Variants in LRRFIP2 observed in about 807,000 individuals in gnomAD.
LRRFIP2 encodes the protein leucine-rich repeat flightless-interacting protein 2.
A neutral mutation model predicts 125.9 loss-of-function variants in LRRFIP2; 109 were observed. That is an observed-to-expected ratio of 0.87 (90% confidence interval 0.74 to 1.01). The LOEUF is 1.01. LRRFIP2 is among the 50% of genes least tolerant of loss of function. The probability of loss-of-function intolerance (pLI) is 0.00; values close to 1 mark genes in which losing one functional copy is unlikely to be tolerated. For missense variants in LRRFIP2, 850 were observed against 862.3 expected (o/e 0.99, Z 0.18); for synonymous variants, 291 against 293.1 (o/e 0.99, Z 0.07).
chr3:37,139,953 A>G (rs866958889), intron 2 of LRRFIP2, among the ~76,000 whole-genome samples: 4 of 152,306 alleles, frequency 2.6e-5, no homozygotes, highest in Middle Eastern at 6.8e-3. Context: ...GTTCATCACA[A>G]AAGTCACTAA....
chr3:37,096,789 T>C lies in LRRFIP2; in HGVS notation c.874-129A>G, dbSNP rs935246803. ...AGCCTAAAAATAAACATATTAAAAA[T>C]GAAATTAAAATTCCAGTTTAACATA... On this transcript the variant is annotated intron_variant, in intron 15 of 27. Transcript: ENST00000336686. 1.8e-4 allele frequency: 98 copies of C among 552,756 alleles called. No homozygotes were observed. The Middle Eastern group carries it at 2.4e-3, about 14-fold the overall frequency. The allele number at this position is 552,756 out of a possible 1,614,324, so 34.2% of individuals were successfully genotyped here.
In LRRFIP2 at chr3:37,058,801, A is replaced by G. The variant is rs1256583583; in HGVS notation, c.1859T>C (p.Ile620Thr). 1 of 1,614,052 alleles carries G rather than the reference A, an allele frequency of 6.2e-7. No homozygotes were observed. The highest frequency in any genetic ancestry group is 1.7e-5 in the Admixed American group (1 of 60,016). Residue 620 changes from isoleucine (I) to threonine (T), a missense_variant, in exon 25 of 28, where the codon ATC (isoleucine) becomes ACC (threonine). Physicochemically the swap from Ile to Thr is moderately conservative, Grantham distance 89 (BLOSUM62 -1). Transcript: ENST00000336686. ...CCCCTGGTACCTACTCTGCATTTCG[A>G]TGAACTGCAAGTCTGAGCCATTCTG... The part of the protein sequence containing the change: ...GLQNGSDLQF[I>T]EMQRDANRQI...
chr3:37,112,484 C>T (rs766415914), intron 8 of LRRFIP2, among the ~76,000 whole-genome samples: 4 of 152,030 alleles, frequency 2.6e-5, no homozygotes, highest in African/African-American at 4.8e-5. Flanking sequence ...GGAAACTTTG[C>T]CATTACATAT....
At chr3:37,110,669 A>G (rs542533713) in intron 9 of LRRFIP2, among the ~76,000 whole-genome samples, 1 of 152,310 alleles carries the variant, frequency 6.6e-6, no homozygotes, top group East Asian at 1.9e-4. Context: ...ATAGATAATT[A>G]TGTGATAAAG....
In LRRFIP2 at chr3:37,111,029, G is replaced by A; in HGVS notation, c.475C>T (p.Leu159Phe). The A allele has an allele frequency of 6.2e-7, 1 of 1,613,768 alleles. No homozygotes were observed. Among genetic ancestry groups the A allele is most frequent in the Non-Finnish European group, 8.5e-7 (1 of 1,179,840 alleles). ...LYFDQRNYSS[L>F]RHSKPTSAYY... ...GCAGAGGTGGGTTTGCTATGTCTAA[G>A]ACTGCTATAGTTTCTCTGGTCAAAG... The change falls in exon 9 of 28, where the codon CTT becomes TTT. Residue 159 changes from leucine (L) to phenylalanine (F), a missense_variant. Coordinates refer to ENST00000336686, the MANE Select transcript of LRRFIP2 (RefSeq NM_006309.4).
At chr3:37,065,313 G>A in intron 23 of LRRFIP2, 1 of 264,542 alleles carries the variant, frequency 3.8e-6, no homozygotes, top group Non-Finnish European at 7.7e-6. Flanking sequence ...AAGAGTCTGG[G>A]AAGCCCTGCT....
chr3:37,128,937 AATAC>A (rs773544645), intron 3 of LRRFIP2, 122 bp downstream of exon 3: 20 of 844,212 alleles, frequency 2.4e-5, no homozygotes, highest in Non-Finnish European at 3.6e-5. Context: ...GGCTTGATAA[AATAC>A]ATACATCAGT....
chr3:37,116,889 A>G (rs192039876), intron 6 of LRRFIP2, among the ~76,000 whole-genome samples: 263 of 152,272 alleles, frequency 1.7e-3, no homozygotes, highest in African/African-American at 6.0e-3. Flanking sequence ...TTGGAGCAAA[A>G]TATCTGTACC....
rs762574573 is a variant in LRRFIP2, at chr3:37,055,147, AT to A, written c.1888del (p.Ile630LeufsTer15). 6.3e-7 allele frequency: 1 copy of A among 1,593,638 alleles called. No individual in the cohort carries two copies. The highest frequency in any genetic ancestry group is 1.1e-5 in the South Asian group (1 of 88,204). On this transcript the variant is annotated frameshift_variant, in exon 26 of 28. Transcript: ENST00000336686. LOFTEE classifies it high-confidence loss of function. ...IEMQRDANRQ[I>X]SEYKFKLSKA... ...TGAAAGCTTAAATTTGTATTCGCTA[AT>A]TTGTCTATTGGCATCTCCTAGAACA...
intron 1 of LRRFIP2, among the ~76,000 whole-genome samples, chr3:37,166,150 T>A (rs1267104197): frequency 6.6e-6 from 1 of 151,624 alleles, no homozygotes; most frequent in Non-Finnish European, 1.5e-5. Context: ...GCCAACATGG[T>A]GAAAACCCGT....
intron 6 of LRRFIP2, among the ~76,000 whole-genome samples, chr3:37,117,680 A>G: frequency 6.6e-6 from 1 of 152,176 alleles, no homozygotes; most frequent in East Asian, 1.9e-4. Context: ...GAAAGTTTTC[A>G]TTAGGAAACA....
intron 19 of LRRFIP2, among the ~76,000 whole-genome samples, chr3:37,076,755 A>G (rs187679869): frequency 1.6e-4 from 24 of 151,612 alleles, no homozygotes; most frequent in African/African-American, 5.8e-4. Flanking sequence ...AATCCCAGCT[A>G]CTCGGGAGGC....
chr3:37,161,792 G>GA (rs540214528), intron 1 of LRRFIP2, among the ~76,000 whole-genome samples: 2,098 of 69,984 alleles, frequency 0.03, 49 homozygotes, highest in African/African-American at 0.08. Context: ...ACAGAAAACA[G>GA]AAAAAAAAAA....
Position 37,105,521 on chromosome 3 carries a change from A to C in LRRFIP2, c.717T>G (p.Phe239Leu). The change falls in exon 14 of 28, where the codon TTT (phenylalanine) becomes TTG (leucine). Residue 239 changes from phenylalanine (F) to leucine (L), a missense_variant and splice_region_variant. By Grantham distance (22) the Phe-to-Leu change is conservative. Transcript: ENST00000336686. ...RISSARSSPG[F>L]TNDDTASIVS... The stretch of plus-strand genomic sequence containing the variant: ...CAATGCTTGCAGTGTCATCGTTGGT[A>C]AACTATAGATATTAAATGCAGATAA... 1.2e-6 allele frequency: 2 copies of C among 1,612,586 alleles called. No individual in the cohort carries two copies. The highest frequency in any genetic ancestry group is 1.7e-6 in the Non-Finnish European group (2 of 1,178,642).
At chr3:37,137,203 C>A (rs1432040355) in intron 2 of LRRFIP2, among the ~76,000 whole-genome samples, 1 of 152,136 alleles carries the variant, frequency 6.6e-6, no homozygotes, top group Admixed American at 6.5e-5. Flanking sequence ...GTCTCGAACT[C>A]CTGGACTCAA....
intron 2 of LRRFIP2, among the ~76,000 whole-genome samples, chr3:37,129,944 G>A (rs1205363092): frequency 6.6e-6 from 1 of 152,206 alleles, no homozygotes; most frequent in African/African-American, 2.4e-5. Flanking sequence ...AGTGAGCTGA[G>A]ATCATGCCAC....
chr3:37,080,016 T>A (rs1168672851), intron 19 of LRRFIP2, among the ~76,000 whole-genome samples: 3 of 152,202 alleles, frequency 2.0e-5, no homozygotes, highest in African/African-American at 7.2e-5. Context: ...TACACATATA[T>A]GTGAATATAC....
At chr3:37,144,134 G>A (rs1300860685) in intron 2 of LRRFIP2, among the ~76,000 whole-genome samples, 1 of 152,226 alleles carries the variant, frequency 6.6e-6, no homozygotes, top group Non-Finnish European at 1.5e-5. Flanking sequence ...GTGGTGGTGA[G>A]ACACGGCCCC....
intron 25 of LRRFIP2, 43 bp from the exon 26 acceptor site, chr3:37,055,208 A>G (rs768373850): frequency 5.0e-6 from 6 of 1,197,774 alleles, no homozygotes; most frequent in Non-Finnish European, 7.2e-6. Flanking sequence ...CCTGTCAGAG[A>G]TGACAGTATG....
Sources: gnomAD v4.1 joint callset for allele counts (sites outside exome capture counted in the v4.1 genomes callset) on GRCh38, gnomAD v4.1.1 for gene constraint, MANE v1.5 for transcripts, NCBI Gene and HGNC (gene_info 2026-07-23, HGNC 2026-07-21) for gene names.